The following MAST3 variants were observed in gnomAD, a reference collection of about 807,000 sequenced individuals.
MAST3 encodes the protein microtubule associated serine/threonine kinase 3.
A neutral mutation model predicts 127.0 loss-of-function variants in MAST3; 43 were observed. The ratio of observed to expected loss-of-function variants is 0.34; its 90% CI spans 0.27 to 0.44. The LOEUF (loss-of-function observed/expected upper bound fraction) is 0.44, where lower values mean the gene tolerates loss of function less well. Ranked by LOEUF, MAST3 falls within the 20% of genes least tolerant of loss-of-function variation. The pLI is 1.00. For synonymous variants in MAST3, 785 were observed against 809.2 expected, an observed-to-expected ratio of 0.97 and a Z score of 0.51; for missense variants, 1,390 against 1,919.1, an observed-to-expected ratio of 0.72 and a Z score of 5.15.
chr19:18,125,294 TGGTC>T (rs1219223155), intron 11 of MAST3, among the ~76,000 whole-genome samples: 1 of 152,188 alleles, frequency 6.6e-6, no homozygotes, highest in East Asian at 1.9e-4. Context: ...CACGTTAAGA[TGGTC>T]AGGAAGCCTG....
chr19:18,109,960 G>A (rs1404529062), intron 2 of MAST3: 1 of 985,198 alleles, frequency 1.0e-6, no homozygotes, highest in Non-Finnish European at 1.2e-6. Context: ...GCAATCGCGC[G>A]GACCGCGGAG....
In MAST3 at chr19:18,126,229, GA is replaced by G. The variant is rs148371435; in HGVS notation, c.1078+1466del. ...AAAGCCAGACCCTGTCTCAAAAAGA[GA>G]AAAAAAAAAATTTCCACAAATAGCC... On this transcript the variant is annotated intron_variant, in intron 11 of 27. Coordinates refer to ENST00000687212, the MANE Select transcript of MAST3 (RefSeq NM_001393504.1). 2.2e-4 allele frequency among the ~76,000 whole-genome samples: 33 copies of G among 149,558 alleles called. No homozygotes were observed. In the South Asian group the frequency reaches 4.2e-3, roughly 19 times the overall value.
rs147946466 is a variant in MAST3, at chr19:18,147,099, CTTTTTTTTT to C, written c.3326+69_3326+77del. The stretch of plus-strand genomic sequence containing the variant: ...GGGTTCTTTTTTTCTTTTCTTTTTC[CTTTTTTTTT>C]TTTTTTTTTTTTTGAGACAGAGTCT... On this transcript the variant is annotated intron_variant, in intron 26 of 27. Coordinates refer to ENST00000687212, the MANE Select transcript of MAST3 (RefSeq NM_001393504.1). 266 of 893,630 alleles carry C rather than the reference CTTTTTTTTT, an allele frequency of 3.0e-4. 1 individual carries two copies. Among genetic ancestry groups the C allele is most frequent in the African/African-American group, 2.3e-3 (84 of 36,142 alleles). The allele number at this position is 893,630 out of a possible 1,614,324, so 55.4% of individuals were successfully genotyped here. A position where few individuals can be genotyped will look rare whatever the true frequency, so the allele number is the denominator to read the frequency against.
rs1238468648 is a variant in MAST3 at position 18,132,009 on chromosome 19, T to C, written c.1533T>C (p.His511=). The C allele has an allele frequency of 6.2e-7, 1 of 1,614,154 alleles. No individual in the cohort carries two copies. The highest frequency in any genetic ancestry group is 1.1e-5 in the South Asian group (1 of 91,076). The part of the protein sequence containing the change: ...AETVLALEYL[H]NYGIVHRDLK... ...CGGTGTTGGCGCTGGAGTACCTGCATAACTATGGCATCGTGCACCGTGACC... is the reference window on the plus strand; with the variant it reads ...CGGTGTTGGCGCTGGAGTACCTGCACAACTATGGCATCGTGCACCGTGACC... Residue 511 remains histidine, a synonymous_variant, in exon 15 of 28, where the codon CAT becomes CAC. Transcript: ENST00000687212.
At chr19:18,116,590 CA>C (rs2039288055) in intron 3 of MAST3, among the ~76,000 whole-genome samples, 3 of 147,788 alleles carry the variant, frequency 2.0e-5, no homozygotes, top group Non-Finnish European at 4.5e-5. Flanking sequence ...CCACCACGCC[CA>C]GCCGAAATTA....
intron 1 of MAST3, among the ~76,000 whole-genome samples, chr19:18,101,685 C>T (rs905926337): frequency 2.0e-5 from 3 of 152,040 alleles, no homozygotes; most frequent in Non-Finnish European, 2.9e-5. Context: ...GGCTGGAGTG[C>T]GGTGGCCCAG....
At position 18,135,733 on chromosome 19, in the gene MAST3, A is replaced by C; in HGVS notation, c.1871-7A>C. 6.2e-7 allele frequency: 1 copy of C among 1,603,862 alleles called. No homozygotes were observed. Among genetic ancestry groups the C allele is most frequent in the Non-Finnish European group, 8.5e-7 (1 of 1,173,748 alleles). On this transcript the variant is annotated splice_polypyrimidine_tract_variant and splice_region_variant and intron_variant, in intron 17 of 27. Transcript: ENST00000687212. ...CTCCCTCATTTTACCTCCCTCCCTCATTTTAGATGAGATCATGTGGCCAGA... is the reference window on the plus strand; with the variant it reads ...CTCCCTCATTTTACCTCCCTCCCTCCTTTTAGATGAGATCATGTGGCCAGA...
intron 6 of MAST3, 80 bp from the exon 7 acceptor site, chr19:18,123,137 G>A: frequency 6.7e-7 from 1 of 1,485,674 alleles, no homozygotes; most frequent in Non-Finnish European, 9.3e-7. Flanking sequence ...GGCAGCCTGG[G>A]CCTTGAGGGG....
Position 18,123,992 on chromosome 19 carries a change from C to T in MAST3, c.687C>T (p.Pro229=), listed in dbSNP as rs375539745. 2.9e-5 allele frequency: 46 copies of T among 1,592,082 alleles called. No homozygotes were observed. The Admixed American group carries it at 5.4e-4, about 19-fold the overall frequency. ...AGGAGTTCCTGACGGCCTACGCGCC[C>T]GGCGCCCGGCTGGCGCTGGCTGATG... is the stretch of plus-strand genomic sequence containing the variant. ...RLQEFLTAYA[P]GARLALADGV... is the part of the protein sequence containing the mutation. Residue 229 remains proline (P), a synonymous_variant, in exon 9 of 28, where the codon CCC becomes CCT. Coordinates refer to ENST00000687212, the MANE Select transcript of MAST3 (RefSeq NM_001393504.1).
chr19:18,135,410 A>G (rs370886399), intron 17 of MAST3, among the ~76,000 whole-genome samples: 3 of 152,298 alleles, frequency 2.0e-5, no homozygotes, highest in East Asian at 3.9e-4. Flanking sequence ...GGTTGCAGTG[A>G]GCTGAGATTG....
At chr19:18,113,148 G>T (rs183487576) in intron 3 of MAST3, among the ~76,000 whole-genome samples, 1 of 152,254 alleles carries the variant, frequency 6.6e-6, no homozygotes, top group East Asian at 1.9e-4. Flanking sequence ...CCATAAGGCT[G>T]CCTCACTCAC....
At position 18,144,320 on chromosome 19, in the gene MAST3, A is replaced by T; in HGVS notation, c.2585-146A>T. The T allele has an allele frequency of 1.3e-6, 1 of 761,490 alleles. No homozygotes were observed. Among genetic ancestry groups the T allele is most frequent in the Non-Finnish European group, 2.1e-6 (1 of 472,214 alleles). 47.2% of individuals were successfully genotyped at this position (761,490 alleles called of 1,614,324 possible). A position where few individuals can be genotyped will look rare whatever the true frequency, so the allele number is the denominator to read the frequency against. ...CTTTTGCATAGAGAATAATTTGGGA[A>T]GGGAGTGCAGGAAGAGGGAACTGCA... is the stretch of plus-strand genomic sequence containing the variant. On this transcript the variant is annotated intron_variant, in intron 22 of 27. Transcript: ENST00000687212. This position sits in a 1 kb window ranked among gnomAD's most constrained non-coding sequence, Gnocchi z 4.0.
chr19:18,105,877 C>A (rs1307861453), intron 1 of MAST3, among the ~76,000 whole-genome samples: 1 of 152,012 alleles, frequency 6.6e-6, no homozygotes, highest in East Asian at 1.9e-4. Context: ...CCCACGCCCC[C>A]ACTGGTACCC....
Position 18,149,280 on chromosome 19 carries a change from C to T in MAST3, c.3598C>T (p.His1200Tyr). 1 of 1,545,358 alleles carries T rather than the reference C, an allele frequency of 6.5e-7. No individual in the cohort carries two copies. Among genetic ancestry groups the T allele is most frequent in the Non-Finnish European group, 8.7e-7 (1 of 1,148,974 alleles). The change falls in exon 28 of 28, where the codon CAC becomes TAC. Residue 1200 changes from histidine (H) to tyrosine (Y), a missense_variant. Physicochemically the swap from His to Tyr is moderately conservative, Grantham distance 83 (BLOSUM62 2). Transcript: ENST00000687212. This position sits in a 1 kb window ranked among gnomAD's most constrained non-coding sequence, Gnocchi z 5.9. ...TGGCCACACCCGCCCCAGCTCCCTG[C>T]ACGGCCTGGCTGCCAAGCTTGGGCC... ...AAGHTRPSSL[H>Y]GLAAKLGPPR... is the part of the protein sequence containing the mutation.
chr19:18,137,452 C>T (rs1028599051), intron 19 of MAST3, 91 bp downstream of exon 19: 4 of 1,408,380 alleles, frequency 2.8e-6, no homozygotes, highest in Non-Finnish European at 3.9e-6. Context: ...GGCATTCCAC[C>T]CGAGCTTGGC....
chr19:18,139,844 G>C (rs2042264355), intron 20 of MAST3, among the ~76,000 whole-genome samples: 1 of 137,242 alleles, frequency 7.3e-6, no homozygotes, highest in African/African-American at 2.7e-5. Context: ...TTTTGAGACA[G>C]AGTCTCGCTC....
chr19:18,102,865 C>T (rs1027267297), intron 1 of MAST3, among the ~76,000 whole-genome samples: 2 of 152,132 alleles, frequency 1.3e-5, no homozygotes, highest in South Asian at 4.1e-4. Context: ...CCAGCTGCTT[C>T]GGGTCTCTCT....
chr19:18,143,880 C>T lies in MAST3; in HGVS notation c.2457C>T (p.Ala819=), dbSNP rs1182518139. The part of the protein sequence containing the change: ...TISLDTMPKF[A]FSSEDEGVGP... ...GCCTGGACACAATGCCCAAGTTTGC[C>T]TTCTCATCAGAGGATGAGGGGGTAG... The change falls in exon 22 of 28, where the codon GCC becomes GCT. Residue 819 remains alanine (A), a synonymous_variant. Coordinates refer to ENST00000687212, the MANE Select transcript of MAST3 (RefSeq NM_001393504.1). 1.9e-6 allele frequency: 3 copies of T among 1,613,930 alleles called. No homozygotes were observed. The highest frequency in any genetic ancestry group is 2.2e-5 in the East Asian group (1 of 44,874).
rs3746188 is a variant in MAST3 at position 18,136,081 on chromosome 19, G to A, written c.1972+240G>A. On this transcript the variant is annotated intron_variant, in intron 18 of 27. Transcript: ENST00000687212. ...TATGGAGCACTGAGCCTGAATAAGT[G>A]TGTGAGGCTGTAAAGTCACCAGGAC... is the stretch of plus-strand genomic sequence containing the variant. Among the ~76,000 whole-genome samples, 143,360 of 152,280 alleles carry A rather than the reference G, an allele frequency of 0.94. 67,508 individuals are homozygous for A. The highest frequency in any genetic ancestry group is 0.96 in the East Asian group (5,002 of 5,190).
Sources: gnomAD v4.1 joint callset for allele counts (sites outside exome capture counted in the v4.1 genomes callset) on GRCh38, gnomAD v4.1.1 for gene constraint, Gnocchi (gnomAD v3.1) non-coding constraint, MANE v1.5 for transcripts, NCBI Gene and HGNC (gene_info 2026-07-23, HGNC 2026-07-21) for gene names.